Variants in ZFP64 observed in about 807,000 individuals in gnomAD.
The protein encoded by ZFP64 is ZFP64 zinc finger protein, also known as zinc finger protein 64.
In ZFP64, 14 loss-of-function variants were observed where a neutral mutation model predicts 51.6. The ratio of observed to expected loss-of-function variants is 0.27; its 90% CI spans 0.18 to 0.42. ZFP64 has a LOEUF of 0.42. Among genes scored for constraint, ZFP64 ranks in the 10% least tolerant of loss-of-function variants. The pLI, the probability that ZFP64 is intolerant of heterozygous loss-of-function variation, is 1.00. For missense variants in ZFP64, 754 were observed against 906.8 expected (o/e 0.83, Z 2.16); for synonymous variants, 375 against 361.4 (o/e 1.04, Z -0.43).
chr20:52,146,215 C>A (rs1219837597), intron 5 of ZFP64, among the ~76,000 whole-genome samples: 1 of 152,118 alleles, frequency 6.6e-6, no homozygotes, highest in Non-Finnish European at 1.5e-5. Context: ...TTTGACCCAG[C>A]CATCCCATGC....
intron 5 of ZFP64, chr20:52,098,700 T>A: frequency 7.0e-7 from 1 of 1,429,630 alleles, no homozygotes; most frequent in Admixed American, 2.1e-5. Context: ...CAGAAAAAAT[T>A]TAAAAAAAAT....
intron 5 of ZFP64, among the ~76,000 whole-genome samples, chr20:52,109,681 T>G (rs1246619131): frequency 6.8e-6 from 1 of 147,724 alleles, no homozygotes; most frequent in Non-Finnish European, 1.5e-5. Context: ...CATGGGAGGC[T>G]GAGGCTGGAG....
intron 2 of ZFP64, chr20:52,175,812 G>T: frequency 1.4e-6 from 1 of 701,918 alleles, no homozygotes; most frequent in Non-Finnish European, 1.8e-6. Context: ...CTACACTCCA[G>T]CCTGGGTGGC....
chr20:52,182,166 G>C (rs1983660504), intron 2 of ZFP64, among the ~76,000 whole-genome samples: 1 of 152,220 alleles, frequency 6.6e-6, no homozygotes, highest in African/African-American at 2.4e-5. Flanking sequence ...GATGGGGACT[G>C]TTTAGTGAGA....
At chr20:52,095,772 G>A (rs1282118453) in intron 7 of ZFP64, among the ~76,000 whole-genome samples, 1 of 152,214 alleles carries the variant, frequency 6.6e-6, no homozygotes, top group African/African-American at 2.4e-5. Context: ...ACCCAGCACT[G>A]TGGATGTTCC....
chr20:52,112,980 A>G (rs112699496), intron 5 of ZFP64, among the ~76,000 whole-genome samples: 10,439 of 152,114 alleles, frequency 0.069, 386 homozygotes, highest in Admixed American at 0.12. Context: ...CTCTACTATG[A>G]ATACCAGAAT....
intron 5 of ZFP64, among the ~76,000 whole-genome samples, chr20:52,114,146 G>GA (rs944664290): frequency 6.1e-4 from 93 of 151,544 alleles, no homozygotes; most frequent in African/African-American, 2.1e-3. Flanking sequence ...GTAAAAATTT[G>GA]AAAAAAAATA....
At chr20:52,140,491 G>T (rs562817389) in intron 5 of ZFP64, among the ~76,000 whole-genome samples, 1 of 152,348 alleles carries the variant, frequency 6.6e-6, no homozygotes, top group Non-Finnish European at 1.5e-5. Flanking sequence ...GGTCTGAATA[G>T]ATCAAACCAG....
chr20:52,123,143 A>G (rs1299576567), intron 5 of ZFP64, among the ~76,000 whole-genome samples: 1 of 151,964 alleles, frequency 6.6e-6, no homozygotes, highest in Admixed American at 6.6e-5. Context: ...GGCATGCGCC[A>G]CCATGCCCGA....
chr20:52,164,526 T>C (rs1383450437), intron 4 of ZFP64, among the ~76,000 whole-genome samples, 169 bp downstream of exon 4: 3 of 152,242 alleles, frequency 2.0e-5, no homozygotes, highest in Admixed American at 2.0e-4. Flanking sequence ...AAGATTTTTC[T>C]GCCAAAGTCA....
rs143377666 is a variant in ZFP64 at position 52,168,945 on chromosome 20, T to G, written c.287-2920A>C. 4.4e-3 allele frequency among the ~76,000 whole-genome samples: 667 copies of G among 152,302 alleles called. 8 individuals carry two copies. The highest frequency in any genetic ancestry group is 0.015 in the African/African-American group (631 of 41,560). On this transcript the variant is annotated intron_variant, in intron 2 of 5. Coordinates refer to ENST00000216923, the MANE Select transcript of ZFP64 (RefSeq NM_018197.3). ...TGTTCACATGCACAGCAAGGTAATG[T>G]TTTTGGACTGCCTGCTGGTTGACAG...
At chr20:52,135,981 C>T (rs531204124) in intron 5 of ZFP64, among the ~76,000 whole-genome samples, 155 of 151,418 alleles carry the variant, frequency 1.0e-3, no homozygotes, top group Admixed American at 2.0e-3. Context: ...TACCTGTAGT[C>T]CCAGCTACTC....
At chr20:52,084,306 TTGAA>T in exon 9 of ZFP64, 1 of 507,362 alleles carries the variant, frequency 2.0e-6, no homozygotes, top group Non-Finnish European at 3.5e-6. Flanking sequence ...GACCCCGCCT[TTGAA>T]TGAACAAGTC....
In ZFP64 at chr20:52,153,548, A is replaced by C. The variant is rs985198642; in HGVS notation, c.764-120T>G. The C allele has an allele frequency of 2.2e-6, 3 of 1,383,286 alleles. No individual in the cohort carries two copies. In the Admixed American group the frequency reaches 8.5e-5, roughly 39 times the overall value. The allele number at this position is 1,383,286 out of a possible 1,614,324, so 85.7% of individuals were successfully genotyped here. Reference sequence around the variant, plus strand: ...GGGTGGGTGCAGACCTCCTAACTGCAGCTTCTAGCAGCCCCTGGCAGTGGG... The same window carrying C: ...GGGTGGGTGCAGACCTCCTAACTGCCGCTTCTAGCAGCCCCTGGCAGTGGG... On this transcript the variant is annotated intron_variant, in intron 5 of 5. Transcript: ENST00000216923. The surrounding 1 kb of genome is among the most constrained non-coding windows in gnomAD (Gnocchi z 5.1).
At chr20:52,105,368 AG>A in intron 5 of ZFP64, 1 of 1,240,144 alleles carries the variant, frequency 8.1e-7, no homozygotes. Flanking sequence ...TCAGCCGAGC[AG>A]GGCGATTTAT....
At chr20:52,129,357 TATGTTGC>T (rs1294009572) in intron 5 of ZFP64, among the ~76,000 whole-genome samples, 1 of 151,850 alleles carries the variant, frequency 6.6e-6, no homozygotes, top group Non-Finnish European at 1.5e-5. Flanking sequence ...GGGGTTTTGC[TATGTTGC>T]CCAGGCTGGT....
chr20:52,100,356 C>T (rs898309559), intron 5 of ZFP64, among the ~76,000 whole-genome samples: 2 of 152,190 alleles, frequency 1.3e-5, no homozygotes, highest in Non-Finnish European at 2.9e-5. Flanking sequence ...AGCGATTCTC[C>T]TGCCTCAGAC....
At chr20:52,174,170 C>T (rs1982983630) in intron 2 of ZFP64, among the ~76,000 whole-genome samples, 1 of 152,126 alleles carries the variant, frequency 6.6e-6, no homozygotes, top group African/African-American at 2.4e-5. Context: ...AGCTAAAGGG[C>T]TAACCTCTTT....
chr20:52,094,872 T>C lies in ZFP64; in HGVS notation c.976+2501A>G, dbSNP rs537244274. 6.6e-5 allele frequency among the ~76,000 whole-genome samples: 10 copies of C among 152,308 alleles called. No individual in the cohort carries two copies. In the South Asian group the frequency reaches 2.1e-3, roughly 32 times the overall value. On this transcript the variant is annotated intron_variant, in intron 7 of 8. Coordinates refer to the ZFP64 transcript ENST00000361387. ...TTGGTTTTAACTTGAAAGTGATAAG[T>C]GATCTCAACCAAAATCCCAGGGGTT...
Sources: allele counts gnomAD v4.1 joint callset (sites outside exome capture counted in the v4.1 genomes callset), GRCh38; gene constraint gnomAD v4.1.1; non-coding constraint Gnocchi (gnomAD v3.1); transcripts MANE v1.5; gene names NCBI Gene and HGNC (gene_info 2026-07-23, HGNC 2026-07-21).